TREM1: variants seen among roughly 807,000 people sequenced by gnomAD.
TREM1 encodes triggering receptor expressed on myeloid cells 1.
A neutral mutation model predicts 22.4 loss-of-function variants in TREM1; 16 were observed. That is an observed-to-expected ratio of 0.71 (90% confidence interval 0.48 to 1.08). The LOEUF (loss-of-function observed/expected upper bound fraction) is 1.08, where lower values mean the gene tolerates loss of function less well. Among genes scored for constraint, TREM1 ranks in the 50% least tolerant of loss-of-function variants. The probability of loss-of-function intolerance (pLI) is 0.00; values close to 1 mark genes in which losing one functional copy is unlikely to be tolerated. For synonymous variants in TREM1, 110 were observed against 111.6 expected (o/e 0.99, Z 0.09); for missense variants, 283 against 282.9 (o/e 1.00, Z 0.00).
chr6:41,276,761 T>A (rs1351835), intron 3 of TREM1, among the ~76,000 whole-genome samples: 65,069 of 151,776 alleles, frequency 0.43, 14,470 homozygotes, highest in Middle Eastern at 0.54. Context: ...TCAGCAGACA[T>A]GCAAGCAGAT....
intron 1 of TREM1, among the ~76,000 whole-genome samples, chr6:41,284,497 G>C (rs1164446484): frequency 5.9e-5 from 9 of 152,188 alleles, no homozygotes; most frequent in Non-Finnish European, 1.3e-4. Flanking sequence ...ACCAAGGTCC[G>C]TGTTTTCAGC....
chr6:41,284,528 A>C (rs1398151041), intron 1 of TREM1, among the ~76,000 whole-genome samples: 2 of 152,158 alleles, frequency 1.3e-5, no homozygotes. Flanking sequence ...GGGCTCTCTA[A>C]GTTTGCTGAG....
rs968182303 is a variant in TREM1, at chr6:41,279,509, T to TAG, written c.599+1450_599+1451dup. The TAG allele has an allele frequency of 7.1e-6, 7 of 983,412 alleles. No homozygotes were observed. In the African/African-American group the frequency reaches 1.1e-4, roughly 15 times the overall value. The allele number at this position is 983,412 out of a possible 1,614,324, so 60.9% of individuals were successfully genotyped here. A position where few individuals can be genotyped will look rare whatever the true frequency, so the allele number is the denominator to read the frequency against. ...TAACTTATGTATTGCAAAATGAAAG[T>TAG]AGAGGAAAAAAAAAAATTGACTCTT... On this transcript the variant is annotated intron_variant, in intron 3 of 3. Coordinates refer to ENST00000244709, the MANE Select transcript of TREM1 (RefSeq NM_018643.5).
intron 3 of TREM1, chr6:41,280,408 C>T: frequency 1.0e-6 from 1 of 990,516 alleles, no homozygotes; most frequent in Non-Finnish European, 1.2e-6. Context: ...TAATTGGGCA[C>T]ATGCAACAAT....
At chr6:41,277,303 A>T (rs1767709853) in intron 3 of TREM1, among the ~76,000 whole-genome samples, 1 of 150,600 alleles carries the variant, frequency 6.6e-6, no homozygotes, top group African/African-American at 2.4e-5. Context: ...AGGGGACTAC[A>T]TTCCCAAGCC....
downstream of TREM1, among the ~76,000 whole-genome samples, chr6:41,269,305 C>T (rs970586294): frequency 6.6e-6 from 1 of 152,086 alleles, no homozygotes; most frequent in Non-Finnish European, 1.5e-5. Flanking sequence ...CATTTTCCTC[C>T]CTAATAACTG....
chr6:41,271,299 C>A (rs1418499183), downstream of TREM1, among the ~76,000 whole-genome samples: 3 of 152,170 alleles, frequency 2.0e-5, no homozygotes, highest in Non-Finnish European at 1.5e-5. Flanking sequence ...CTTAAGACAA[C>A]CCTCTGATAC....
chr6:41,276,291 C>T (rs533889606), intron 3 of TREM1, 61 bp from the exon 4 acceptor site: 57 of 1,294,760 alleles, frequency 4.4e-5, no homozygotes, highest in Non-Finnish European at 6.2e-5. Flanking sequence ...CGCACATGTT[C>T]CCTCTAGAAA....
chr6:41,279,513 G>T (rs1420421867), intron 3 of TREM1: 1 of 983,164 alleles, frequency 1.0e-6, no homozygotes, highest in Non-Finnish European at 1.2e-6. Context: ...TGAAAGTAGA[G>T]GAAAAAAAAA....
chr6:41,268,022 G>A (rs1561912292), exon 4 of TREM1: 1 of 398,650 alleles, frequency 2.5e-6, no homozygotes. Context: ...AGTGCCCAGT[G>A]TGCAGTGGTG....
At chr6:41,282,360 G>A (rs1767954824) in intron 2 of TREM1, 35 bp downstream of exon 2, 3 of 1,530,088 alleles carry the variant, frequency 2.0e-6, no homozygotes, top group Non-Finnish European at 2.7e-6. Context: ...TTCCTCACCT[G>A]GCCCTTCTTT....
Position 41,282,602 on chromosome 6 carries a change from G to A in TREM1, c.199C>T (p.Leu67=). The change falls in exon 2 of 4, where the codon CTG becomes TTG. Residue 67 remains leucine (L), a synonymous_variant. Transcript: ENST00000244709. ...TTTGAAGGCCTCTCTGTGCATGCCA[G>A]GGTCTTGGGCATCTCTCCGTCCCTT... ...IIRDGEMPKT[L]ACTERPSKNS... The A allele has an allele frequency of 6.2e-7, 1 of 1,614,204 alleles. No homozygotes were observed. Among genetic ancestry groups the A allele is most frequent in the Non-Finnish European group, 8.5e-7 (1 of 1,180,040 alleles).
intron 2 of TREM1, 127 bp from the exon 3 acceptor site, chr6:41,281,280 G>A (rs1767911186): frequency 8.9e-7 from 1 of 1,121,122 alleles, no homozygotes; most frequent in Non-Finnish European, 1.2e-6. Context: ...AGGTGGTACG[G>A]TAAATGAAGC....
At chr6:41,268,143 GC>G (rs1442429802) in intron 3 of TREM1, 1 of 398,358 alleles carries the variant, frequency 2.5e-6, no homozygotes, top group East Asian at 3.6e-5. Context: ...CAGGAGATAG[GC>G]AAGGACGTTT....
intron 1 of TREM1, among the ~76,000 whole-genome samples, chr6:41,285,235 G>A (rs1267749590): frequency 6.6e-6 from 1 of 152,224 alleles, no homozygotes; most frequent in African/African-American, 2.4e-5. Flanking sequence ...CTGCTGAGCT[G>A]TCTGTGCACA....
intron 3 of TREM1, among the ~76,000 whole-genome samples, chr6:41,277,461 C>G (rs1017320298): frequency 6.6e-6 from 1 of 152,148 alleles, no homozygotes; most frequent in African/African-American, 2.4e-5. Flanking sequence ...GCATCTGCCC[C>G]GATTCCAGTG....
At chr6:41,284,577 C>T (rs1390460683) in intron 1 of TREM1, among the ~76,000 whole-genome samples, 3 of 152,158 alleles carry the variant, frequency 2.0e-5, no homozygotes, top group Non-Finnish European at 2.9e-5. Flanking sequence ...GGTACCTTCC[C>T]CCATGGAGCA....
rs1047727859 is a variant in TREM1 at position 41,274,861 on chromosome 6, C to T, written c.*1264G>A. ...ATACATTTACCTAACATGAGACACA[C>T]GGTATGTGTGGAAAAGTATGATTGC... is the stretch of plus-strand genomic sequence containing the variant. On this transcript the variant is annotated 3_prime_UTR_variant, in exon 4 of 4. Coordinates refer to ENST00000244709, the MANE Select transcript of TREM1 (RefSeq NM_018643.5). Among the ~76,000 whole-genome samples, 1 of 152,024 alleles carries T rather than the reference C, an allele frequency of 6.6e-6. No homozygotes were observed. The highest frequency in any genetic ancestry group is 1.5e-5 in the Non-Finnish European group (1 of 68,014).
At chr6:41,273,276 A>G (rs1581622306), downstream of TREM1, among the ~76,000 whole-genome samples, 1 of 152,076 alleles carries the variant, frequency 6.6e-6, no homozygotes, top group South Asian at 2.1e-4. Flanking sequence ...GCTTCTGCCC[A>G]TTTTCTAAAC....
Sources: allele counts gnomAD v4.1 joint callset (sites outside exome capture counted in the v4.1 genomes callset), GRCh38; gene constraint gnomAD v4.1.1; transcripts MANE v1.5; gene names NCBI Gene and HGNC (gene_info 2026-07-23, HGNC 2026-07-21).